The following AS3MT variants were observed in gnomAD, a reference collection of about 807,000 sequenced individuals.
AS3MT encodes the protein S-adenosyl-L-methionine:arsenic(III) methyltransferase.
Under a neutral mutation model 45.3 loss-of-function variants are expected in AS3MT, and 47 were observed. That is an observed-to-expected ratio of 1.04 (90% CI 0.82 to 1.32). The LOEUF (loss-of-function observed/expected upper bound fraction) is 1.32, where lower values mean the gene tolerates loss of function less well. Among genes scored for constraint, AS3MT ranks in the 40% most tolerant of loss-of-function variants. AS3MT has a pLI of 0.00. For synonymous variants in AS3MT, 141 were observed against 152.8 expected (o/e 0.92, Z 0.57); for missense variants, 396 against 451.1 (o/e 0.88, Z 1.11).
At chr10:102,872,620 A>G (rs1844712006) in intron 4 of AS3MT, 22 bp downstream of exon 4, 1 of 1,572,170 alleles carries the variant, frequency 6.4e-7, no homozygotes, top group Non-Finnish European at 8.6e-7. Flanking sequence ...TTTGGAAGAC[A>G]AGGAGAAAAA....
At chr10:102,877,389 T>C (rs1844799030) in intron 7 of AS3MT, among the ~76,000 whole-genome samples, 1 of 152,182 alleles carries the variant, frequency 6.6e-6, no homozygotes, top group Non-Finnish European at 1.5e-5. Flanking sequence ...TATGTTCTCA[T>C]CATTATTGTG....
At chr10:102,880,863 C>G (rs970397155) in intron 9 of AS3MT, among the ~76,000 whole-genome samples, 9 of 152,302 alleles carry the variant, frequency 5.9e-5, no homozygotes, top group African/African-American at 2.2e-4. Context: ...AAAAACATCA[C>G]TGCATCAATC....
At chr10:102,887,742 A>G (rs960076144) in intron 9 of AS3MT, 2 of 152,172 alleles carry the variant, frequency 1.3e-5, no homozygotes, top group Non-Finnish European at 2.9e-5. Flanking sequence ...ATTTGGTCCC[A>G]TTTTTGTATC....
In AS3MT at chr10:102,870,128, C is replaced by T. The variant is rs750267547; in HGVS notation, c.87C>T (p.Thr29=). 1.9e-6 allele frequency: 3 copies of T among 1,614,000 alleles called. No homozygotes were observed. The highest frequency in any genetic ancestry group is 3.3e-5 in the Admixed American group (2 of 59,998). Residue 29 remains threonine (T), a synonymous_variant, in exon 3 of 11, where the codon ACC becomes ACT. Transcript: ENST00000369880. ...TGAAGAGATCGGCAGACCTCCAGAC[C>T]AACGGCTGTGTCACCACAGCCAGGC... ...QVLKRSADLQ[T]NGCVTTARPV... is the part of the protein sequence containing the mutation.
rs201022942 is a variant in AS3MT, at chr10:102,889,607, T to TCTGCCTGCCTGCCTGCCTGC, written c.886-927_886-926insGCCTGCCTGCCTGCCTGCCT. 2.5e-3 allele frequency among the ~76,000 whole-genome samples: 305 copies of TCTGCCTGCCTGCCTGCCTGC among 123,628 alleles called. 9 individuals are homozygous for TCTGCCTGCCTGCCTGCCTGC. The highest frequency in any genetic ancestry group is 5.2e-3 in the East Asian group (19 of 3,664). The allele number at this position is 123,628 out of a possible 152,430, so 81.1% of individuals were successfully genotyped here. ...TCATTCCCTTCCCTTCCCCTGCCTG[T>TCTGCCTGCCTGCCTGCCTGC]CTGCCTGCCTTCCTTCCTTCCTTCC... On this transcript the variant is annotated intron_variant, in intron 9 of 10. Coordinates refer to ENST00000369880, the MANE Select transcript of AS3MT (RefSeq NM_020682.4).
chr10:102,901,281 C>T lies in AS3MT; in HGVS notation c.*581C>T, dbSNP rs1017815201. 1.3e-5 allele frequency: 2 copies of T among 151,838 alleles called. No homozygotes were observed. Among genetic ancestry groups the T allele is most frequent in the African/African-American group, 4.8e-5 (2 of 41,338 alleles). The allele number at this position is 151,838 out of a possible 1,614,324, so 9.4% of individuals were successfully genotyped here. ...CCATCTCAACTCACTGCAAGCTCCACCTCCTGGGTTCACGCCATTCTCCTG... is the reference window on the plus strand; with the variant it reads ...CCATCTCAACTCACTGCAAGCTCCATCTCCTGGGTTCACGCCATTCTCCTG... On this transcript the variant is annotated 3_prime_UTR_variant, in exon 11 of 11. Transcript: ENST00000369880.
At chr10:102,893,028 A>T (rs1433106741) in intron 10 of AS3MT, among the ~76,000 whole-genome samples, 1 of 146,218 alleles carries the variant, frequency 6.8e-6, no homozygotes, top group African/African-American at 2.5e-5. Flanking sequence ...AAATAAATAA[A>T]TAATTTTAGA....
chr10:102,878,284 A>AGGAT, intron 7 of AS3MT, 95 bp from the exon 8 acceptor site: 1 of 1,493,160 alleles, frequency 6.7e-7, no homozygotes, highest in South Asian at 1.3e-5. Flanking sequence ...TTTAACTAAT[A>AGGAT]CCATGTCCTA....
At chr10:102,892,940 G>T (rs1244400996) in intron 10 of AS3MT, among the ~76,000 whole-genome samples, 1 of 150,972 alleles carries the variant, frequency 6.6e-6, no homozygotes, top group Admixed American at 6.6e-5. Context: ...AGATTGAGAT[G>T]GCGCCACTGC....
intron 9 of AS3MT, among the ~76,000 whole-genome samples, chr10:102,886,080 ATTTAT>A (rs943439087): frequency 4.6e-5 from 7 of 151,878 alleles, no homozygotes; most frequent in African/African-American, 1.5e-4. Flanking sequence ...TTAGCTAAAG[ATTTAT>A]TTTATTTTTT....
At chr10:102,878,260 G>T in intron 7 of AS3MT, 119 bp from the exon 8 acceptor site, 2 of 1,394,044 alleles carry the variant, frequency 1.4e-6, no homozygotes, top group Non-Finnish European at 9.6e-7. Context: ...AGCTTCTACT[G>T]CTAGGATCTA....
chr10:102,901,855 C>T lies in AS3MT; in HGVS notation c.*1155C>T, dbSNP rs1375930704. 6.6e-6 allele frequency: 1 copy of T among 150,732 alleles called. No individual in the cohort carries two copies. Among genetic ancestry groups the T allele is most frequent in the Non-Finnish European group, 1.5e-5 (1 of 67,874 alleles). 9.3% of individuals were successfully genotyped at this position (150,732 alleles called of 1,614,324 possible). On this transcript the variant is annotated 3_prime_UTR_variant, in exon 11 of 11. Transcript: ENST00000369880. ...GTAGCTTTTGAACAAATGTTTTTTT[C>T]TTTTTTCTTTTTTTTTGCAATAAAG...
chr10:102,877,571 A>G (rs984288954), intron 7 of AS3MT, among the ~76,000 whole-genome samples: 4 of 150,428 alleles, frequency 2.7e-5, no homozygotes, highest in African/African-American at 7.3e-5. Context: ...AAAAAAAAAA[A>G]AAAAAAGAAA....
rs1282264619 is a variant in AS3MT, at chr10:102,888,872, TATA to T, written c.886-1671_886-1669del. 7.8e-3 allele frequency among the ~76,000 whole-genome samples: 604 copies of T among 77,342 alleles called. 4 individuals are homozygous for T. The highest frequency in any genetic ancestry group is 0.012 in the Non-Finnish European group (448 of 37,198). 50.7% of individuals were successfully genotyped at this position (77,342 alleles called of 152,430 possible). On this transcript the variant is annotated intron_variant, in intron 9 of 10. Coordinates refer to ENST00000369880, the MANE Select transcript of AS3MT (RefSeq NM_020682.4). Reference sequence around the variant, plus strand: ...AACCCTATATATATATATATATATATATATATATATTTTTTTTTTTTTTTTTGA... The same window carrying T: ...AACCCTATATATATATATATATATATTATATATTTTTTTTTTTTTTTTTGA...
rs1445819261 is a variant in AS3MT at position 102,897,040 on chromosome 10, A to C, written c.1021-3553A>C. Among the ~76,000 whole-genome samples the C allele has an allele frequency of 5.3e-5, 8 of 152,272 alleles. No individual in the cohort carries two copies. The East Asian group carries it at 1.6e-3, about 30-fold the overall frequency. On this transcript the variant is annotated intron_variant, in intron 10 of 10. Coordinates refer to ENST00000369880, the MANE Select transcript of AS3MT (RefSeq NM_020682.4). The stretch of plus-strand genomic sequence containing the variant: ...GGTGAGAATCAATATTTATTTTAAA[A>C]GGCTTTTATCATTCTAATTCTTCTA...
chr10:102,880,409 T>C (rs1844854726), intron 9 of AS3MT, among the ~76,000 whole-genome samples: 1 of 152,210 alleles, frequency 6.6e-6, no homozygotes, highest in South Asian at 2.1e-4. Flanking sequence ...GGAGAGATTA[T>C]GGCACCAAAA....
chr10:102,870,811 T>C (rs1237624921), intron 3 of AS3MT, among the ~76,000 whole-genome samples: 1 of 152,208 alleles, frequency 6.6e-6, no homozygotes. Flanking sequence ...AGCACCACGC[T>C]GCTGTCCCAC....
chr10:102,873,106 G>T lies in AS3MT; in HGVS notation c.331G>T (p.Ala111Ser). The T allele has an allele frequency of 6.3e-7, 1 of 1,579,874 alleles. No homozygotes were observed. Among genetic ancestry groups the T allele is most frequent in the Middle Eastern group, 1.7e-4 (1 of 5,904 alleles). The change falls in exon 5 of 11, where the codon GCT becomes TCT. Residue 111 changes from alanine to serine, a missense_variant. Coordinates refer to ENST00000369880, the MANE Select transcript of AS3MT (RefSeq NM_020682.4). ...IDMTKGQVEV[A>S]EKYLDYHMEK... The stretch of plus-strand genomic sequence containing the variant: ...ATTTTTCTTACTTTAGGTGGAAGTG[G>T]CTGAAAAGTATCTTGACTATCACAT...
At chr10:102,875,903 C>T (rs1322085818) in intron 6 of AS3MT, among the ~76,000 whole-genome samples, 1 of 152,092 alleles carries the variant, frequency 6.6e-6, no homozygotes, top group Non-Finnish European at 1.5e-5. Flanking sequence ...AGGCATGAGC[C>T]GCTGTGCCTG....
Sources: gnomAD v4.1 joint callset for allele counts (sites outside exome capture counted in the v4.1 genomes callset) on GRCh38, gnomAD v4.1.1 for gene constraint, MANE v1.5 for transcripts, NCBI Gene and HGNC (gene_info 2026-07-23, HGNC 2026-07-21) for gene names.